NVL: variants seen among roughly 807,000 people sequenced by gnomAD.
The protein encoded by NVL is nuclear VCP like, also known as nuclear valosin-containing protein-like.
A neutral mutation model predicts 110.2 loss-of-function variants in NVL; 84 were observed. That is an observed-to-expected ratio of 0.76 (90% CI 0.64 to 0.91). NVL has a LOEUF of 0.91. Ranked by LOEUF, NVL falls within the 40% of genes least tolerant of loss-of-function variation. NVL has a pLI of 0.00. For synonymous variants in NVL, 354 were observed against 361.1 expected, an observed-to-expected ratio of 0.98 and a Z score of 0.22; for missense variants, 882 against 1,035.9, an observed-to-expected ratio of 0.85 and a Z score of 2.04.
At chr1:224,322,148 G>A (rs1375465048) in intron 2 of NVL, among the ~76,000 whole-genome samples, 3 of 151,980 alleles carry the variant, frequency 2.0e-5, no homozygotes, top group East Asian at 1.9e-4. Flanking sequence ...CGGTGCAATC[G>A]TAGCTCACTG....
At chr1:224,300,961 C>T (rs1668341079) in intron 9 of NVL, among the ~76,000 whole-genome samples, 1 of 151,880 alleles carries the variant, frequency 6.6e-6, no homozygotes, top group South Asian at 2.1e-4. Context: ...AAAAATTAGC[C>T]ATGCATGGTG....
At chr1:224,294,553 TCAAATA>T in intron 11 of NVL, 142 bp from the exon 12 acceptor site, 1 of 754,926 alleles carries the variant, frequency 1.3e-6, no homozygotes. Flanking sequence ...TTATTAAATG[TCAAATA>T]TGTAAAAGGT....
intron 6 of NVL, among the ~76,000 whole-genome samples, chr1:224,307,281 T>G (rs1669019254): frequency 6.6e-6 from 1 of 152,138 alleles, no homozygotes; most frequent in African/African-American, 2.4e-5. Flanking sequence ...AGGAAATAGA[T>G]TCACATACCT....
At chr1:224,266,876 T>G (rs553639345) in intron 18 of NVL, among the ~76,000 whole-genome samples, 1 of 152,254 alleles carries the variant, frequency 6.6e-6, no homozygotes, top group Non-Finnish European at 1.5e-5. Flanking sequence ...TTAACTTTTG[T>G]GGCAATCCTG....
chr1:224,306,024 A>G (rs1668882917), intron 6 of NVL, among the ~76,000 whole-genome samples: 1 of 152,122 alleles, frequency 6.6e-6, no homozygotes, highest in Non-Finnish European at 1.5e-5. Context: ...AGTCTTCTAT[A>G]TAGTTGTCTT....
chr1:224,270,104 G>A (rs1664933863), intron 17 of NVL, among the ~76,000 whole-genome samples: 1 of 151,570 alleles, frequency 6.6e-6, no homozygotes, highest in Admixed American at 6.6e-5. Context: ...AAAAAAATTG[G>A]TGCTCCTTAT....
intron 16 of NVL, among the ~76,000 whole-genome samples, chr1:224,276,961 T>G (rs1189349805): frequency 9.3e-6 from 1 of 107,062 alleles, no homozygotes; most frequent in Non-Finnish European, 1.9e-5. Context: ...TTATGACACA[T>G]AAAACTAGTT....
At chr1:224,261,095 C>T (rs1663932852) in intron 18 of NVL, among the ~76,000 whole-genome samples, 3 of 152,000 alleles carry the variant, frequency 2.0e-5, no homozygotes, top group Admixed American at 2.0e-4. Context: ...AGGCTGGTCT[C>T]GAACTCCTGA....
intron 19 of NVL, 31 bp from the exon 20 acceptor site, chr1:224,236,613 G>A (rs1198620529): frequency 2.5e-6 from 4 of 1,575,892 alleles, no homozygotes; most frequent in Non-Finnish European, 3.5e-6. Flanking sequence ...ATTTTTCATT[G>A]GAGCTTTAAA....
At chr1:224,229,168 T>G (rs879740797) in intron 22 of NVL, among the ~76,000 whole-genome samples, 1 of 147,438 alleles carries the variant, frequency 6.8e-6, no homozygotes, top group Non-Finnish European at 1.5e-5. Context: ...TGGTGGCACA[T>G]GCCTGTAATC....
Position 224,288,013 on chromosome 1 carries a change from G to C in NVL, c.1576-20C>G. ...TTCATCCTTGAAGGGAACAATAGAGGGGAAAAAAATAAAGAAACACCACAA... is the reference window on the plus strand; with the variant it reads ...TTCATCCTTGAAGGGAACAATAGAGCGGAAAAAAATAAAGAAACACCACAA... On this transcript the variant is annotated intron_variant, in intron 13 of 22. Coordinates refer to ENST00000281701, the MANE Select transcript of NVL (RefSeq NM_002533.4). 1 of 1,574,480 alleles carries C rather than the reference G, an allele frequency of 6.4e-7. No individual in the cohort carries two copies. Among genetic ancestry groups the C allele is most frequent in the Non-Finnish European group, 8.7e-7 (1 of 1,149,906 alleles).
chr1:224,321,750 C>A (rs1213025764), intron 2 of NVL, among the ~76,000 whole-genome samples: 1 of 14,194 alleles, frequency 7.0e-5, no homozygotes, highest in African/African-American at 1.8e-4. Context: ...AGTAAGATTC[C>A]ACCTCAAAAA....
At chr1:224,280,181 T>G (rs1219051874) in intron 16 of NVL, among the ~76,000 whole-genome samples, 1 of 147,580 alleles carries the variant, frequency 6.8e-6, no homozygotes. Flanking sequence ...TTTTTTTTGT[T>G]TTTTTTTTTT....
At chr1:224,257,771 C>G (rs1663459120) in intron 18 of NVL, among the ~76,000 whole-genome samples, 1 of 152,098 alleles carries the variant, frequency 6.6e-6, no homozygotes, top group Non-Finnish European at 1.5e-5. Context: ...AACTCCTGAG[C>G]TCAAACAATC....
intron 1 of NVL, among the ~76,000 whole-genome samples, chr1:224,328,211 TC>T (rs1251283088): frequency 6.6e-6 from 1 of 152,116 alleles, no homozygotes; most frequent in African/African-American, 2.4e-5. Context: ...CCTAATGCTA[TC>T]CCTCCCCTAG....
intron 9 of NVL, among the ~76,000 whole-genome samples, chr1:224,303,415 A>G (rs1668606616): frequency 6.6e-6 from 1 of 151,694 alleles, no homozygotes; most frequent in Non-Finnish European, 1.5e-5. Flanking sequence ...AGCCTGGGTG[A>G]CAGAGTGAGA....
In NVL at chr1:224,253,310, G is replaced by A. The variant is rs183149130; in HGVS notation, c.2183-2992C>T. Among the ~76,000 whole-genome samples, 1,405 of 151,320 alleles carry A rather than the reference G, an allele frequency of 9.3e-3. 8 individuals carry two copies. The highest frequency in any genetic ancestry group is 0.015 in the Non-Finnish European group (995 of 67,800). On this transcript the variant is annotated intron_variant, in intron 18 of 22. Transcript: ENST00000281701. Reference sequence around the variant, plus strand: ...CATGATCCACCCGCCTTAGCCTCCCGAAGTGCTGGGATTACAGGCCTGAGC... The same window carrying A: ...CATGATCCACCCGCCTTAGCCTCCCAAAGTGCTGGGATTACAGGCCTGAGC...
chr1:224,301,350 C>G (rs937860768), intron 9 of NVL, among the ~76,000 whole-genome samples: 1 of 152,042 alleles, frequency 6.6e-6, no homozygotes, highest in Non-Finnish European at 1.5e-5. Flanking sequence ...AGCCATCCTC[C>G]CAATTCAGCC....
rs781060160 is a variant in NVL, at chr1:224,289,539, G to A, written c.1520C>T (p.Pro507Leu). Residue 507 changes from proline (P) to leucine (L), a missense_variant, in exon 13 of 23, where the codon CCA becomes CTA. This residue lies in a region of NVL where 416 missense variants were observed against 499.3 expected (regional missense o/e 0.83). Coordinates refer to ENST00000281701, the MANE Select transcript of NVL (RefSeq NM_002533.4). Reference sequence around the variant, plus strand: ...CCTTTCCTCCTGGACTCCTTTAGATGGCAAATCTTCCATTTCAGGATTTTT... The same window carrying A: ...CCTTTCCTCCTGGACTCCTTTAGATAGCAAATCTTCCATTTCAGGATTTTT... ...QKKNPEMEDL[P>L]SKGVQEERLG... 1.2e-6 allele frequency: 2 copies of A among 1,614,228 alleles called. No individual in the cohort carries two copies. The highest frequency in any genetic ancestry group is 1.7e-5 in the Admixed American group (1 of 60,028).
Sources: gnomAD v4.1 joint callset for allele counts (sites outside exome capture counted in the v4.1 genomes callset) on GRCh38, gnomAD v4.1.1 for gene constraint, gnomAD v4.1.1 regional missense constraint, MANE v1.5 for transcripts, NCBI Gene and HGNC (gene_info 2026-07-23, HGNC 2026-07-21) for gene names.